Variants in CMIP observed in about 807,000 individuals in gnomAD.
CMIP encodes the protein c-Maf inducing protein.
CMIP carries 13 observed loss-of-function variants against 97.3 expected under a neutral mutation model. The ratio of observed to expected loss-of-function variants is 0.13; its 90% CI spans 0.09 to 0.21. The LOEUF (loss-of-function observed/expected upper bound fraction) is 0.21. Ranked by LOEUF, CMIP falls within the 10% of genes least tolerant of loss-of-function variation. The pLI is 1.00. For missense variants in CMIP, 847 were observed against 1,024.9 expected, an observed-to-expected ratio of 0.83 and a Z score of 2.37; for synonymous variants, 538 against 436.3, an observed-to-expected ratio of 1.23 and a Z score of -2.91.
Position 81,707,011 on chromosome 16 carries a change from C to T in CMIP, c.2198-3C>T. ...CTAACAACTGTATCTGTCTCTTGTG[C>T]AGCCATGAAGAGTCTCTGCAGTTTA... On this transcript the variant is annotated splice_polypyrimidine_tract_variant and splice_region_variant and intron_variant, in intron 19 of 20. Coordinates refer to ENST00000537098, the MANE Select transcript of CMIP (RefSeq NM_198390.3). 1 of 1,613,254 alleles carries T rather than the reference C, an allele frequency of 6.2e-7. No homozygotes were observed. Among genetic ancestry groups the T allele is most frequent in the Non-Finnish European group, 8.5e-7 (1 of 1,179,400 alleles).
chr16:81,630,523 T>A (rs1468219856), intron 3 of CMIP: 1 of 152,218 alleles, frequency 6.6e-6, no homozygotes, highest in Non-Finnish European at 1.5e-5. Context: ...GGAGGCCGGG[T>A]CAGTGCCACT....
intron 3 of CMIP, among the ~76,000 whole-genome samples, chr16:81,643,165 G>A (rs1334435395): frequency 6.6e-6 from 1 of 152,230 alleles, no homozygotes; most frequent in South Asian, 2.1e-4. Context: ...TCCACCTCGT[G>A]GAGGAGAGGA....
intron 20 of CMIP, among the ~76,000 whole-genome samples, 154 bp from the exon 21 acceptor site, chr16:81,709,592 C>T (rs1390891629): frequency 2.6e-5 from 4 of 152,214 alleles, no homozygotes; most frequent in East Asian, 1.9e-4. Context: ...TGCCTAAGGC[C>T]ACCCACCCCT....
At position 81,678,397 on chromosome 16, in the gene CMIP, C is replaced by T. The variant is rs368498490; in HGVS notation, c.1157C>T (p.Thr386Met). 5.6e-6 allele frequency: 9 copies of T among 1,607,862 alleles called. No homozygotes were observed. The highest frequency in any genetic ancestry group is 2.3e-5 in the East Asian group (1 of 44,422). ...CCGGACCTGGTGTCTCAGGAAGCCA[C>T]GCTGTCTGAGGCCCGGCTCAAGTCG... The part of the protein sequence containing the change: ...PSPDLVSQEA[T>M]LSEARLKSVV... Residue 386 changes from threonine to methionine, a missense_variant, in exon 10 of 21, where the codon ACG (threonine) becomes ATG (methionine). Coordinates refer to ENST00000537098, the MANE Select transcript of CMIP (RefSeq NM_198390.3).
intron 9 of CMIP, among the ~76,000 whole-genome samples, chr16:81,676,381 G>A (rs528602534): frequency 1.6e-4 from 23 of 142,494 alleles, no homozygotes; most frequent in Admixed American, 9.0e-4. Context: ...CTCTCGGTGG[G>A]CAAATGTACA....
At chr16:81,493,423 G>A (rs576376865) in intron 1 of CMIP, among the ~76,000 whole-genome samples, 3 of 150,046 alleles carry the variant, frequency 2.0e-5, no homozygotes, top group East Asian at 2.0e-4. Flanking sequence ...TGGGAATGTC[G>A]CCCACTTCCT....
At chr16:81,680,542 G>A (rs1012589462) in intron 10 of CMIP, among the ~76,000 whole-genome samples, 1 of 152,224 alleles carries the variant, frequency 6.6e-6, no homozygotes, top group African/African-American at 2.4e-5. Flanking sequence ...GTGCCCAGGG[G>A]TTCAGGACCA....
intron 19 of CMIP, 79 bp from the exon 20 acceptor site, chr16:81,706,935 C>G (rs1428283913): frequency 1.6e-6 from 2 of 1,226,922 alleles, no homozygotes; most frequent in East Asian, 4.7e-5. Flanking sequence ...CTGCATTGAG[C>G]TCCTCCAGCT....
At chr16:81,534,385 T>TA (rs1597518830) in intron 1 of CMIP, among the ~76,000 whole-genome samples, 2 of 152,316 alleles carry the variant, frequency 1.3e-5, no homozygotes, top group Admixed American at 1.3e-4. Context: ...CATGTGTCTT[T>TA]AAAAAAAGAT....
At chr16:81,641,614 C>T (rs2092307676) in intron 3 of CMIP, among the ~76,000 whole-genome samples, 2 of 152,166 alleles carry the variant, frequency 1.3e-5, no homozygotes, top group Admixed American at 1.3e-4. Context: ...AGCAGGACAC[C>T]CGCCTGAGTT....
intron 1 of CMIP, among the ~76,000 whole-genome samples, chr16:81,500,544 A>G (rs955619212): frequency 6.8e-4 from 98 of 143,396 alleles, no homozygotes; most frequent in African/African-American, 2.5e-3. Context: ...GCTGGAGTGC[A>G]GTGGTGCGAT....
intron 1 of CMIP, among the ~76,000 whole-genome samples, chr16:81,584,288 T>C (rs1364637899): frequency 6.6e-6 from 1 of 152,190 alleles, no homozygotes; most frequent in Non-Finnish European, 1.5e-5. Context: ...TGTTGAACAA[T>C]GTGTCCGTAA....
chr16:81,458,994 C>T (rs375205338), intron 1 of CMIP, among the ~76,000 whole-genome samples: 21 of 151,958 alleles, frequency 1.4e-4, no homozygotes, highest in East Asian at 7.7e-4. Context: ...GTCACCATCA[C>T]TGTCACCATC....
chr16:81,645,504 A>C, intron 3 of CMIP: 1 of 1,535,684 alleles, frequency 6.5e-7, no homozygotes, highest in Non-Finnish European at 8.7e-7. Context: ...TCTCCCGTGG[A>C]GGAGCAACAG....
intron 1 of CMIP, among the ~76,000 whole-genome samples, chr16:81,535,366 A>G (rs1473974039): frequency 1.3e-5 from 2 of 152,132 alleles, no homozygotes; most frequent in South Asian, 2.1e-4. Context: ...TCTCACATGC[A>G]TAAAATTCCA....
intron 10 of CMIP, among the ~76,000 whole-genome samples, chr16:81,679,300 G>A (rs1182921900): frequency 6.6e-6 from 1 of 152,148 alleles, no homozygotes; most frequent in African/African-American, 2.4e-5. Flanking sequence ...CAGTGGGTGT[G>A]TCTAGGCACT....
intron 1 of CMIP, among the ~76,000 whole-genome samples, chr16:81,492,303 A>G (rs2089418384): frequency 6.6e-6 from 1 of 152,190 alleles, no homozygotes; most frequent in African/African-American, 2.4e-5. Flanking sequence ...TTTTTCTTAA[A>G]TTAACTTCAC....
At chr16:81,590,000 A>C (rs1457914188) in intron 1 of CMIP, among the ~76,000 whole-genome samples, 1 of 152,154 alleles carries the variant, frequency 6.6e-6, no homozygotes, top group Non-Finnish European at 1.5e-5. Context: ...GGGTGACAGC[A>C]GGTGTCCGGA....
intron 1 of CMIP, among the ~76,000 whole-genome samples, chr16:81,549,330 G>C (rs975468670): frequency 3.3e-5 from 5 of 152,202 alleles, no homozygotes; most frequent in Admixed American, 1.3e-4. Context: ...GGAAAATGCC[G>C]GGCTTGCAAA....
Sources: allele counts gnomAD v4.1 joint callset (sites outside exome capture counted in the v4.1 genomes callset), GRCh38; gene constraint gnomAD v4.1.1; transcripts MANE v1.5; gene names NCBI Gene and HGNC (gene_info 2026-07-23, HGNC 2026-07-21).